The following RADIL variants were observed in gnomAD, a reference collection of about 807,000 sequenced individuals.
RADIL encodes the protein Rap associating with DIL domain.
A neutral mutation model predicts 97.6 loss-of-function variants in RADIL; 99 were observed. The ratio of observed to expected loss-of-function variants is 1.01; its 90% CI spans 0.86 to 1.20. RADIL has a LOEUF of 1.20. RADIL is among the 50% of genes most tolerant of loss of function. RADIL has a pLI of 0.00. For synonymous variants in RADIL, 803 were observed against 691.8 expected, an observed-to-expected ratio of 1.16 and a Z score of -2.52; for missense variants, 1,765 against 1,498.9, an observed-to-expected ratio of 1.18 and a Z score of -2.93.
chr7:4,819,901 C>G lies in RADIL; in HGVS notation c.1615+2493G>C, dbSNP rs1337732269. On this transcript the variant is annotated intron_variant, in intron 6 of 14. Transcript: ENST00000399583. The surrounding 1 kb of genome is among the most constrained non-coding windows in gnomAD (Gnocchi z 5.8). ...CCCCTGACCAAAAATAACTTCCTCC[C>G]AAGACCAAAGGCAGCAGCTCCAACA... Among the ~76,000 whole-genome samples, 1 of 152,224 alleles carries G rather than the reference C, an allele frequency of 6.6e-6. No homozygotes were observed. Among genetic ancestry groups the G allele is most frequent in the Non-Finnish European group, 1.5e-5 (1 of 68,032 alleles).
intron 9 of RADIL, among the ~76,000 whole-genome samples, chr7:4,807,077 T>C (rs559303110): frequency 1.3e-5 from 2 of 152,256 alleles, no homozygotes; most frequent in South Asian, 2.1e-4. Flanking sequence ...CTGCTGGCTC[T>C]TTCTGGACTC....
At chr7:4,851,353 A>T (rs1228011944) in intron 2 of RADIL, among the ~76,000 whole-genome samples, 3 of 152,214 alleles carry the variant, frequency 2.0e-5, no homozygotes, top group Non-Finnish European at 2.9e-5. Flanking sequence ...GGATGGGGAA[A>T]GTCTAGATTC....
At position 4,879,538 on chromosome 7, in the gene RADIL, TG is replaced by T. The variant is rs1205050818; in HGVS notation, c.-64-1336del. On this transcript the variant is annotated intron_variant, in intron 1 of 14. Transcript: ENST00000399583. This position sits in a 1 kb window ranked among gnomAD's most constrained non-coding sequence, Gnocchi z 4.1. Reference sequence around the variant, plus strand: ...ATTTTCTGGAAAGCTCTGGAAAGAGTGGTCCAGGTCCCAGTGAACACAGCAC... The same window carrying T: ...ATTTTCTGGAAAGCTCTGGAAAGAGTGTCCAGGTCCCAGTGAACACAGCAC... Among the ~76,000 whole-genome samples, 2 of 151,764 alleles carry T rather than the reference TG, an allele frequency of 1.3e-5. No homozygotes were observed. Among genetic ancestry groups the T allele is most frequent in the Non-Finnish European group, 1.5e-5 (1 of 67,960 alleles).
chr7:4,831,275 C>G (rs895024892), intron 5 of RADIL, among the ~76,000 whole-genome samples: 10 of 151,048 alleles, frequency 6.6e-5, no homozygotes, highest in African/African-American at 2.4e-4. Flanking sequence ...GCTTAGCAAA[C>G]TAACACAGGA....
intron 9 of RADIL, among the ~76,000 whole-genome samples, chr7:4,812,688 C>T (rs1160587061): frequency 6.6e-6 from 1 of 152,216 alleles, no homozygotes; most frequent in African/African-American, 2.4e-5. Flanking sequence ...TCCCAAAGTG[C>T]TGGCATTACA....
intron 2 of RADIL, among the ~76,000 whole-genome samples, chr7:4,877,003 G>A (rs537665072): frequency 4.9e-4 from 75 of 152,374 alleles, no homozygotes; most frequent in African/African-American, 1.7e-3. Flanking sequence ...CAAGGCGTGC[G>A]TGGTTGCTAT....
At chr7:4,841,898 A>G (rs983508087) in intron 2 of RADIL, among the ~76,000 whole-genome samples, 3 of 152,172 alleles carry the variant, frequency 2.0e-5, no homozygotes, top group Non-Finnish European at 4.4e-5. Context: ...TCTACAAAAA[A>G]TACAAAAATT....
intron 2 of RADIL, chr7:4,860,578 A>C (rs1167882935): frequency 2.9e-5 from 47 of 1,614,072 alleles, no homozygotes; most frequent in Non-Finnish European, 3.7e-5. Flanking sequence ...CCAGTGTAAT[A>C]AATTCATTCT....
chr7:4,818,291 C>T lies in RADIL; in HGVS notation c.1616-940G>A, dbSNP rs1341506090. Among the ~76,000 whole-genome samples the T allele has an allele frequency of 6.6e-6, 1 of 152,190 alleles. No homozygotes were observed. Among genetic ancestry groups the T allele is most frequent in the Non-Finnish European group, 1.5e-5 (1 of 68,018 alleles). On this transcript the variant is annotated intron_variant, in intron 6 of 14. Transcript: ENST00000399583. This position sits in a 1 kb window ranked among gnomAD's most constrained non-coding sequence, Gnocchi z 7.1. ...GCGGGCCTCCCAGGAGCACAGGCCC[C>T]CAGCTGCCCCTCTGCCGGGCAGACT...
At chr7:4,869,259 A>G (rs1784199907) in intron 2 of RADIL, among the ~76,000 whole-genome samples, 1 of 152,176 alleles carries the variant, frequency 6.6e-6, no homozygotes. Flanking sequence ...TAGCCCCCTG[A>G]GTAGCTGGGA....
Position 4,835,040 on chromosome 7 carries a change from T to A in RADIL, c.983A>T (p.Asn328Ile), listed in dbSNP as rs371320010. 41 of 1,610,148 alleles carry A rather than the reference T, an allele frequency of 2.5e-5. No individual in the cohort carries two copies. Among genetic ancestry groups the A allele is most frequent in the Non-Finnish European group, 3.3e-5 (39 of 1,178,788 alleles). Residue 328 changes from asparagine to isoleucine, a missense_variant, in exon 4 of 15, where the codon AAC (asparagine) becomes ATC (isoleucine). Transcript: ENST00000399583. The surrounding 1 kb of genome is among the most constrained non-coding windows in gnomAD (Gnocchi z 5.8). Reference sequence around the variant, plus strand: ...GGTCCTGTGCCCCACCTCGGAGAAGTTGACGGAGATGTGCGCCCCGGGGAT... The same window carrying A: ...GGTCCTGTGCCCCACCTCGGAGAAGATGACGGAGATGTGCGCCCCGGGGAT... ...EPIPGAHISVNFSEVGHRTVV... is the reference protein window; with the variant it reads ...EPIPGAHISVIFSEVGHRTVV...
intron 13 of RADIL, among the ~76,000 whole-genome samples, 178 bp downstream of exon 13, chr7:4,799,993 A>C (rs888288418): frequency 6.9e-6 from 1 of 144,492 alleles, no homozygotes; most frequent in African/African-American, 2.6e-5. Context: ...CAGCAGGCCC[A>C]GGGGGCGTGG....
chr7:4,815,513 C>T lies in RADIL; in HGVS notation c.1967-63G>A. On this transcript the variant is annotated intron_variant, in intron 8 of 14. Transcript: ENST00000399583. The surrounding 1 kb of genome is among the most constrained non-coding windows in gnomAD (Gnocchi z 8.0). ...CCTCCTGGGGGGACACAGACATGGG[C>T]CTGTCCCCAGAGCCTGCCCTTCCCG... The T allele has an allele frequency of 7.0e-7, 1 of 1,419,988 alleles. No individual in the cohort carries two copies. Among genetic ancestry groups the T allele is most frequent in the Non-Finnish European group, 9.3e-7 (1 of 1,076,222 alleles). The allele number at this position is 1,419,988 out of a possible 1,614,324, so 88.0% of individuals were successfully genotyped here. A position where few individuals can be genotyped will look rare whatever the true frequency, so the allele number is the denominator to read the frequency against.
chr7:4,800,052 TCTC>T (rs1004336397), intron 13 of RADIL, 116 bp downstream of exon 13: 51 of 1,400,900 alleles, frequency 3.6e-5, no homozygotes, highest in Non-Finnish European at 4.8e-5. Context: ...CCAACCCCAC[TCTC>T]CTCCCCGAAG....
intron 12 of RADIL, 45 bp from the exon 13 acceptor site, chr7:4,800,355 A>C (rs1474936010): frequency 7.1e-7 from 1 of 1,414,260 alleles, no homozygotes; most frequent in South Asian, 1.5e-5. Context: ...GGCGCCAGGA[A>C]TCACGACGAG....
rs747187456 is a variant in RADIL, at chr7:4,859,928, T to A, written c.535+17677A>T. ...GATTAGATATGTTTGTTGCTGAGTT[T>A]CCTGAAGGTCTGGATGGCTTATGAG... is the stretch of plus-strand genomic sequence containing the variant. On this transcript the variant is annotated intron_variant, in intron 2 of 14. Transcript: ENST00000399583. 3 of 1,613,218 alleles carry A rather than the reference T, an allele frequency of 1.9e-6. No homozygotes were observed. In the Middle Eastern group the frequency reaches 5.0e-4, roughly 266 times the overall value.
chr7:4,804,034 C>T lies in RADIL; in HGVS notation c.2291-280G>A, dbSNP rs1477001144. On this transcript the variant is annotated intron_variant, in intron 10 of 14. Coordinates refer to ENST00000399583, the MANE Select transcript of RADIL (RefSeq NM_018059.5). ...AACCCTCCAGCCCCACTGAGCCGCT[C>T]TGCACTGGGCCTGTCTCTGCCCCAC... 8.1e-6 allele frequency: 4 copies of T among 491,408 alleles called. No individual in the cohort carries two copies. The Admixed American group carries it at 1.2e-4, about 15-fold the overall frequency. 30.4% of individuals were successfully genotyped at this position (491,408 alleles called of 1,614,324 possible).
chr7:4,877,884 TGCCGGTG>T lies in RADIL; in HGVS notation c.249_255del (p.Thr84ProfsTer8), dbSNP rs1784407106. 1 of 1,605,292 alleles carries T rather than the reference TGCCGGTG, an allele frequency of 6.2e-7. No individual in the cohort carries two copies. The highest frequency in any genetic ancestry group is 8.5e-7 in the Non-Finnish European group (1 of 1,179,964). ...TTCACCAGCTCACGGGCGCTGGAGGTGCCGGTGGCCAGGACGCTCTTGTAGTGGGTTC... is the reference window on the plus strand; with the variant it reads ...TTCACCAGCTCACGGGCGCTGGAGGTGCCAGGACGCTCTTGTAGTGGGTTC... On this transcript the variant is annotated frameshift_variant, in exon 2 of 15. Transcript: ENST00000399583. LOFTEE classifies it high-confidence loss of function.
Position 4,801,568 on chromosome 7 carries a change from G to T in RADIL, c.2842+85C>A, listed in dbSNP as rs911545615. The T allele has an allele frequency of 1.8e-5, 25 of 1,418,724 alleles. No individual in the cohort carries two copies. The East Asian group carries it at 2.7e-4, about 16-fold the overall frequency. 87.9% of individuals were successfully genotyped at this position (1,418,724 alleles called of 1,614,324 possible). ...CAGGTAAGGAAACCTAGGACCCAAG[G>T]GGGGAACGATCCCAGGGGACCGGCC... is the stretch of plus-strand genomic sequence containing the variant. On this transcript the variant is annotated intron_variant, in intron 12 of 14. Coordinates refer to ENST00000399583, the MANE Select transcript of RADIL (RefSeq NM_018059.5).
Sources: allele counts gnomAD v4.1 joint callset (sites outside exome capture counted in the v4.1 genomes callset), GRCh38; gene constraint gnomAD v4.1.1; non-coding constraint Gnocchi (gnomAD v3.1); transcripts MANE v1.5; gene names NCBI Gene and HGNC (gene_info 2026-07-23, HGNC 2026-07-21).